CKMT2: variants seen among roughly 807,000 people sequenced by gnomAD.
CKMT2 encodes the protein creatine kinase S-type, mitochondrial.
CKMT2 carries 43 observed loss-of-function variants against 48.9 expected under a neutral mutation model. The observed-to-expected ratio is 0.88, with a 90% CI of 0.69 to 1.13. The LOEUF (loss-of-function observed/expected upper bound fraction) is 1.13. CKMT2 is among the 50% of genes most tolerant of loss of function. The pLI is 0.00. For missense variants in CKMT2, 472 were observed against 555.4 expected (o/e 0.85, Z 1.51); for synonymous variants, 206 against 213.0 (o/e 0.97, Z 0.29).
In CKMT2 at chr5:81,252,730, G is replaced by A; in HGVS notation, c.188G>A (p.Cys63Tyr). The A allele has an allele frequency of 6.2e-7, 1 of 1,614,182 alleles. No individual in the cohort carries two copies. Among genetic ancestry groups the A allele is most frequent in the Non-Finnish European group, 8.5e-7 (1 of 1,180,034 alleles). ...CCAGACCTGCGCAAGCACAACAACT[G>A]CATGGCCGAGTGCCTCACCCCCGCC... ...DYPDLRKHNN[C>Y]MAECLTPAIY... The change falls in exon 3 of 10, where the codon TGC (cysteine) becomes TAC (tyrosine). Residue 63 changes from cysteine to tyrosine, a missense_variant. Physicochemically the swap from Cys to Tyr is radical, Grantham distance 194. Coordinates refer to ENST00000254035, the MANE Select transcript of CKMT2 (RefSeq NM_001099735.2).
rs373885353 is a variant in CKMT2, at chr5:81,252,704, C to T, written c.162C>T (p.Tyr54=). Residue 54 remains tyrosine, a synonymous_variant, in exon 3 of 10, where the codon TAC becomes TAT. Transcript: ENST00000254035. ...QPRLFPPSAD[Y]PDLRKHNNCM... ...CCTCCTCCCCACACAGCGCAGACTA[C>T]CCAGACCTGCGCAAGCACAACAACT... 3.8e-5 allele frequency: 62 copies of T among 1,614,066 alleles called. No individual in the cohort carries two copies. Among genetic ancestry groups the T allele is most frequent in the Non-Finnish European group, 4.7e-5 (56 of 1,180,044 alleles).
intron 3 of CKMT2, among the ~76,000 whole-genome samples, chr5:81,253,096 C>G (rs186088429): frequency 3.8e-4 from 58 of 152,334 alleles, no homozygotes; most frequent in East Asian, 5.8e-4. Flanking sequence ...AGGGACAAGG[C>G]TTCCCTTGCT....
In CKMT2 at chr5:81,247,251, C is replaced by G. The variant is rs182329772; in HGVS notation, c.-20-3862C>G. 1.3e-4 allele frequency among the ~76,000 whole-genome samples: 20 copies of G among 152,292 alleles called. 1 individual carries two copies. Among genetic ancestry groups the G allele is most frequent in the South Asian group, 1.2e-3 (6 of 4,822 alleles). The stretch of plus-strand genomic sequence containing the variant: ...AAGCTTTGCAATGAGCCTGAGATTT[C>G]TTTTTGTTCCAAACTTTTGTCCTAA... On this transcript the variant is annotated intron_variant, in intron 1 of 9. Coordinates refer to ENST00000254035, the MANE Select transcript of CKMT2 (RefSeq NM_001099735.2).
In CKMT2 at chr5:81,251,297, G is replaced by T; in HGVS notation, c.152+13G>T. 6.2e-7 allele frequency: 1 copy of T among 1,613,192 alleles called. No individual in the cohort carries two copies. The highest frequency in any genetic ancestry group is 1.1e-5 in the South Asian group (1 of 91,014). ...TATTTCCTCCAAGGTAAGGGCTCCTGACTTTAAAATAACCTCAGGCCAGGC... is the reference window on the plus strand; with the variant it reads ...TATTTCCTCCAAGGTAAGGGCTCCTTACTTTAAAATAACCTCAGGCCAGGC... On this transcript the variant is annotated intron_variant, in intron 2 of 9. Transcript: ENST00000254035.
chr5:81,251,596 C>CAAAACA (rs1334730870), intron 2 of CKMT2, among the ~76,000 whole-genome samples: 16 of 152,036 alleles, frequency 1.1e-4, no homozygotes, highest in African/African-American at 2.4e-4. Flanking sequence ...CAAAACAAAA[C>CAAAACA]AAAACAAAAA....
intron 5 of CKMT2, among the ~76,000 whole-genome samples, chr5:81,256,066 C>G (rs902857199): frequency 6.6e-6 from 1 of 152,136 alleles, no homozygotes; most frequent in South Asian, 2.1e-4. Flanking sequence ...GACTGCAGGA[C>G]TCCTCTCCCC....
intron 1 of CKMT2, among the ~76,000 whole-genome samples, chr5:81,240,910 G>T (rs1756413171): frequency 6.6e-6 from 1 of 152,202 alleles, no homozygotes. Flanking sequence ...CCCCAGGACT[G>T]CTGGTATTTA....
Position 81,265,879 on chromosome 5 carries a change from T to C in CKMT2, c.1141-260T>C, listed in dbSNP as rs139485709. On this transcript the variant is annotated intron_variant, in intron 9 of 9. Coordinates refer to ENST00000254035, the MANE Select transcript of CKMT2 (RefSeq NM_001099735.2). ...TCTGATATTTTATAGCAGACACTGG[T>C]AGGAAAAAATGTTAGAGATGCAAAC... is the stretch of plus-strand genomic sequence containing the variant. Among the ~76,000 whole-genome samples the C allele has an allele frequency of 3.3e-3, 499 of 152,238 alleles. 5 individuals are homozygous for C. Among genetic ancestry groups the C allele is most frequent in the African/African-American group, 0.012 (481 of 41,524 alleles).
chr5:81,247,320 C>A (rs1225500108), intron 1 of CKMT2, among the ~76,000 whole-genome samples: 2 of 152,184 alleles, frequency 1.3e-5, no homozygotes. Flanking sequence ...TGTTTGGAAA[C>A]TAGGCAAAAC....
chr5:81,254,789 G>A (rs111372294), intron 4 of CKMT2: 8,361 of 607,250 alleles, frequency 0.014, 75 homozygotes, highest in Non-Finnish European at 0.018. Flanking sequence ...CCCAGACCAC[G>A]CTATATAAAA....
chr5:81,256,806 TAA>T, intron 5 of CKMT2, 107 bp from the exon 6 acceptor site: 1 of 730,750 alleles, frequency 1.4e-6, no homozygotes, highest in Non-Finnish European at 2.3e-6. Context: ...AACCACTGCC[TAA>T]GAGACAGCAG....
intron 8 of CKMT2, among the ~76,000 whole-genome samples, chr5:81,262,756 G>A (rs569001428): frequency 6.6e-6 from 1 of 152,296 alleles, no homozygotes; most frequent in South Asian, 2.1e-4. Flanking sequence ...CAACCATTAT[G>A]GAAGACAGTG....
intron 2 of CKMT2, chr5:81,252,344 A>G: frequency 3.8e-6 from 1 of 264,688 alleles, no homozygotes; most frequent in South Asian, 4.9e-5. Flanking sequence ...AGGTGACATG[A>G]CTTGTGTTTG....
At chr5:81,246,343 T>C (rs1303533857) in intron 1 of CKMT2, among the ~76,000 whole-genome samples, 2 of 152,050 alleles carry the variant, frequency 1.3e-5, no homozygotes, top group Non-Finnish European at 2.9e-5. Flanking sequence ...TCAGCTCCAC[T>C]GACCTCCTTT....
intron 1 of CKMT2, among the ~76,000 whole-genome samples, chr5:81,234,243 C>T (rs1756189121): frequency 6.6e-6 from 1 of 152,138 alleles, no homozygotes; most frequent in African/African-American, 2.4e-5. Flanking sequence ...CTCCTCAGTG[C>T]TGCCCTTTAG....
chr5:81,248,109 A>C (rs759945418), intron 1 of CKMT2, among the ~76,000 whole-genome samples: 33 of 152,196 alleles, frequency 2.2e-4, no homozygotes, highest in Non-Finnish European at 4.0e-4. Flanking sequence ...TCACAGGACT[A>C]TACATGGAGA....
At chr5:81,255,291 C>A in intron 5 of CKMT2, 77 bp downstream of exon 5, 1 of 1,311,598 alleles carries the variant, frequency 7.6e-7, no homozygotes, top group Non-Finnish European at 1.1e-6. Context: ...TCTCCTGGTG[C>A]TCTGCTCAGT....
chr5:81,264,509 C>A (rs1314559040), intron 9 of CKMT2, among the ~76,000 whole-genome samples: 1 of 152,132 alleles, frequency 6.6e-6, no homozygotes, highest in African/African-American at 2.4e-5. Context: ...AGGAAGAAAC[C>A]CTCAAAACAA....
chr5:81,238,700 C>G (rs533086931), intron 1 of CKMT2: 1 of 152,766 alleles, frequency 6.5e-6, no homozygotes, highest in African/African-American at 2.4e-5. Flanking sequence ...GCTCCTGCCT[C>G]TGCACATTCT....
Sources: allele counts gnomAD v4.1 joint callset (sites outside exome capture counted in the v4.1 genomes callset), GRCh38; gene constraint gnomAD v4.1.1; transcripts MANE v1.5; gene names NCBI Gene and HGNC (gene_info 2026-07-23, HGNC 2026-07-21).